Variants in ARHGAP26 observed in about 807,000 individuals in gnomAD.
ARHGAP26 encodes rho GTPase-activating protein 26.
ARHGAP26 carries 38 observed loss-of-function variants against 104.8 expected under a neutral mutation model. The ratio of observed to expected loss-of-function variants is 0.36; its 90% confidence interval spans 0.28 to 0.48. ARHGAP26 has a LOEUF of 0.48. Ranked by LOEUF, ARHGAP26 falls within the 20% of genes least tolerant of loss-of-function variation. The pLI, the probability that ARHGAP26 is intolerant of heterozygous loss-of-function variation, is 0.99. For synonymous variants in ARHGAP26, 341 were observed against 340.0 expected (o/e 1.00, Z -0.03); for missense variants, 704 against 947.9 (o/e 0.74, Z 3.38).
intron 17 of ARHGAP26, among the ~76,000 whole-genome samples, chr5:143,083,740 CCAT>C: frequency 6.6e-6 from 1 of 152,278 alleles, no homozygotes; most frequent in African/African-American, 2.4e-5. Context: ...CTCAGGTGAT[CCAT>C]CCACCTCTGC....
At chr5:143,174,223 G>A (rs1354233517) in intron 20 of ARHGAP26, among the ~76,000 whole-genome samples, 1 of 152,128 alleles carries the variant, frequency 6.6e-6, no homozygotes, top group African/African-American at 2.4e-5. Flanking sequence ...GATCCGGTTG[G>A]GTATGTTGTT....
chr5:142,876,847 T>C (rs1323898558), intron 3 of ARHGAP26, among the ~76,000 whole-genome samples: 1 of 151,652 alleles, frequency 6.6e-6, no homozygotes, highest in East Asian at 1.9e-4. Context: ...TCTTACCTTT[T>C]GCCCTACGGA....
intron 1 of ARHGAP26, among the ~76,000 whole-genome samples, chr5:142,823,038 T>A (rs1199539901): frequency 6.6e-6 from 1 of 152,214 alleles, no homozygotes; most frequent in Non-Finnish European, 1.5e-5. Context: ...AATAGGCACT[T>A]TAAATACATT....
At chr5:142,771,272 C>A in intron 1 of ARHGAP26, 1 of 1,247,334 alleles carries the variant, frequency 8.0e-7, no homozygotes, top group South Asian at 3.5e-5. Context: ...CCATCGTGTC[C>A]ACAGCTCCAG....
chr5:143,203,237 A>C (rs1013558872), intron 20 of ARHGAP26: 2 of 152,124 alleles, frequency 1.3e-5, no homozygotes, highest in African/African-American at 4.8e-5. Flanking sequence ...AAAAAAAAAC[A>C]ACCCCATCAA....
At chr5:142,954,525 TAAG>T (rs1319928483) in intron 11 of ARHGAP26, among the ~76,000 whole-genome samples, 1 of 152,238 alleles carries the variant, frequency 6.6e-6, no homozygotes, top group African/African-American at 2.4e-5. Context: ...CTGTGTCTCT[TAAG>T]AACACTCAGG....
chr5:142,877,189 T>C (rs933285405), intron 3 of ARHGAP26, among the ~76,000 whole-genome samples: 7 of 152,222 alleles, frequency 4.6e-5, no homozygotes, highest in African/African-American at 1.7e-4. Context: ...ACTGTCTGCA[T>C]CTGAGTATCT....
In ARHGAP26 at chr5:142,895,309, C is replaced by T. The variant is rs1001436089; in HGVS notation, c.597+961C>T. ...GCAATGGTGCAATCTCAGCTCACTG[C>T]AGCCTCTGCCTTCTGGGTTCAAGCG... On this transcript the variant is annotated intron_variant, in intron 6 of 22. Transcript: ENST00000645722. Among the ~76,000 whole-genome samples the T allele has an allele frequency of 5.3e-5, 8 of 152,220 alleles. No individual in the cohort carries two copies. The East Asian group carries it at 1.4e-3, about 26-fold the overall frequency.
chr5:143,092,188 T>TTTGTC (rs1276787689), intron 17 of ARHGAP26, among the ~76,000 whole-genome samples: 2 of 142,462 alleles, frequency 1.4e-5, no homozygotes. Context: ...TTTTTTGAGA[T>TTTGTC]GGAGTCTCCC....
At chr5:143,098,036 A>G (rs1042560765) in intron 17 of ARHGAP26, among the ~76,000 whole-genome samples, 3 of 152,176 alleles carry the variant, frequency 2.0e-5, no homozygotes, top group African/African-American at 7.2e-5. Flanking sequence ...TCAGAATTCC[A>G]TACAGTTTTT....
rs6149274 is a variant in ARHGAP26 at position 143,167,482 on chromosome 5, C to CAAAAAAAAAAAAAA, written c.1988+20124_1988+20137dup. ...TGCATGACAGAGCAAGACTCCATCT[C>CAAAAAAAAAAAAAA]AAAAAAAAAAAAAAAAAAAAAAAAA... On this transcript the variant is annotated intron_variant, in intron 20 of 22. Coordinates refer to ENST00000645722, the MANE Select transcript of ARHGAP26 (RefSeq NM_001135608.3). Among the ~76,000 whole-genome samples the CAAAAAAAAAAAAAA allele has an allele frequency of 2.8e-4, 17 of 60,084 alleles. 1 individual carries two copies. Among genetic ancestry groups the CAAAAAAAAAAAAAA allele is most frequent in the African/African-American group, 1.2e-3 (14 of 11,956 alleles). The allele number at this position is 60,084 out of a possible 152,430, so 39.4% of individuals were successfully genotyped here.
At chr5:143,028,953 T>C (rs553252460) in intron 12 of ARHGAP26, among the ~76,000 whole-genome samples, 85 of 152,234 alleles carry the variant, frequency 5.6e-4, no homozygotes, top group Non-Finnish European at 1.1e-3. Flanking sequence ...CAATAGAGAA[T>C]GCACACCCAG....
At chr5:143,185,662 C>T (rs144719736) in intron 20 of ARHGAP26, among the ~76,000 whole-genome samples, 262 of 152,358 alleles carry the variant, frequency 1.7e-3, no homozygotes, top group Admixed American at 3.4e-3. Context: ...AAGTATCAAT[C>T]CTTGCCATTC....
intron 4 of ARHGAP26, among the ~76,000 whole-genome samples, chr5:142,884,905 C>T (rs1199917655): frequency 6.6e-6 from 1 of 152,172 alleles, no homozygotes; most frequent in African/African-American, 2.4e-5. Context: ...GTGAGGATAT[C>T]TTCCTTCCTT....
chr5:142,858,269 C>T (rs1253101512), intron 1 of ARHGAP26, among the ~76,000 whole-genome samples: 3 of 152,198 alleles, frequency 2.0e-5, no homozygotes, highest in Admixed American at 2.0e-4. Flanking sequence ...TAGATACACA[C>T]ATGCAAATTC....
chr5:143,042,028 C>A, intron 14 of ARHGAP26, 138 bp downstream of exon 14: 2 of 702,574 alleles, frequency 2.8e-6, no homozygotes, highest in Non-Finnish European at 2.5e-6. Flanking sequence ...AGTCATCTGC[C>A]CCATCGGTCA....
chr5:142,919,310 A>G (rs1303749931), intron 10 of ARHGAP26: 2 of 398,634 alleles, frequency 5.0e-6, no homozygotes, highest in Non-Finnish European at 8.8e-6. Flanking sequence ...ATGAACACCA[A>G]AGGTTGGCAG....
chr5:142,910,122 T>C (rs1473458602), intron 9 of ARHGAP26, among the ~76,000 whole-genome samples: 2 of 152,232 alleles, frequency 1.3e-5, no homozygotes, highest in East Asian at 3.8e-4. Context: ...TAGTAATTCC[T>C]TACATTTAAA....
chr5:142,890,147 A>ATATAT (rs1758338250), intron 5 of ARHGAP26, among the ~76,000 whole-genome samples: 1 of 78,574 alleles, frequency 1.3e-5, no homozygotes, highest in African/African-American at 5.8e-5. Flanking sequence ...AAAAAAAAAA[A>ATATAT]AAAAATATAT....
Sources: allele counts gnomAD v4.1 joint callset (sites outside exome capture counted in the v4.1 genomes callset), GRCh38; gene constraint gnomAD v4.1.1; transcripts MANE v1.5; gene names NCBI Gene and HGNC (gene_info 2026-07-23, HGNC 2026-07-21).